ADK: variants seen among roughly 807,000 people sequenced by gnomAD.
The protein encoded by ADK is adenosine kinase, also known as N6,N6-dimethyladenosine kinase.
ADK carries 24 observed loss-of-function variants against 44.7 expected under a neutral mutation model. The observed-to-expected ratio is 0.54, with a 90% CI of 0.39 to 0.76. The LOEUF is 0.76. Among genes scored for constraint, ADK ranks in the 30% least tolerant of loss-of-function variants. The pLI, the probability that ADK is intolerant of heterozygous loss-of-function variation, is 0.00. For synonymous variants in ADK, 128 were observed against 142.6 expected, an observed-to-expected ratio of 0.90 and a Z score of 0.73; for missense variants, 321 against 425.1, an observed-to-expected ratio of 0.76 and a Z score of 2.15.
At chr10:74,328,345 A>G (rs1841089786) in intron 4 of ADK, among the ~76,000 whole-genome samples, 1 of 152,170 alleles carries the variant, frequency 6.6e-6, no homozygotes, top group Non-Finnish European at 1.5e-5. Context: ...TTTACATACT[A>G]TGCTTACAAT....
intron 3 of ADK, among the ~76,000 whole-genome samples, chr10:74,239,717 A>C (rs1191471533): frequency 6.1e-5 from 1 of 16,290 alleles, no homozygotes; most frequent in Non-Finnish European, 1.9e-4. Context: ...CCTTGTCTCA[A>C]AAAAAAAAAA....
At chr10:74,422,144 G>A (rs1844576763) in intron 6 of ADK, among the ~76,000 whole-genome samples, 1 of 152,172 alleles carries the variant, frequency 6.6e-6, no homozygotes, top group South Asian at 2.1e-4. Context: ...AGTGATCAAG[G>A]TTAACATCAC....
chr10:74,398,438 T>A, intron 5 of ADK, 33 bp from the exon 6 acceptor site: 1 of 1,441,414 alleles, frequency 6.9e-7, no homozygotes, highest in Non-Finnish European at 9.7e-7. Flanking sequence ...AGTTTGACTA[T>A]AATATTACTT....
At chr10:74,205,675 C>CAAAAAAAAAAAAAAA (rs11419041) in intron 2 of ADK, among the ~76,000 whole-genome samples, 2 of 85,314 alleles carry the variant, frequency 2.3e-5, no homozygotes, top group Non-Finnish European at 2.2e-5. Flanking sequence ...GAATCTGTCT[C>CAAAAAAAAAAAAAAA]AAAAAAAAAA....
intron 8 of ADK, among the ~76,000 whole-genome samples, chr10:74,594,266 A>G (rs1386811472): frequency 1.3e-5 from 2 of 152,082 alleles, no homozygotes; most frequent in Non-Finnish European, 2.9e-5. Flanking sequence ...GCAAACCACC[A>G]TGGCACGCGT....
intron 4 of ADK, among the ~76,000 whole-genome samples, chr10:74,356,513 A>G (rs1842152546): frequency 6.6e-6 from 1 of 152,140 alleles, no homozygotes; most frequent in African/African-American, 2.4e-5. Flanking sequence ...ATATTATTGG[A>G]TTATTTTATA....
At chr10:74,550,791 TTATTAA>T (rs1188479291) in intron 7 of ADK, among the ~76,000 whole-genome samples, 3 of 152,240 alleles carry the variant, frequency 2.0e-5, no homozygotes, top group African/African-American at 7.2e-5. Flanking sequence ...ATCATTTTAC[TTATTAA>T]TATTCATTTG....
chr10:74,323,792 T>A (rs12354678), intron 4 of ADK, among the ~76,000 whole-genome samples: 1 of 151,710 alleles, frequency 6.6e-6, no homozygotes, highest in Non-Finnish European at 1.5e-5. Context: ...GGATGGTCTC[T>A]ATCTCCTGAC....
chr10:74,238,000 A>G (rs1845037814), intron 3 of ADK, among the ~76,000 whole-genome samples: 1 of 152,128 alleles, frequency 6.6e-6, no homozygotes, highest in African/African-American at 2.4e-5. Flanking sequence ...AGGCTGAGGT[A>G]GGAGAATCGC....
intron 7 of ADK, among the ~76,000 whole-genome samples, chr10:74,557,690 C>T (rs1189729265): frequency 6.6e-6 from 1 of 152,078 alleles, no homozygotes; most frequent in Non-Finnish European, 1.5e-5. Context: ...TGCTTAAGAC[C>T]CAACCTCCCT....
chr10:74,542,682 T>G (rs369533661), intron 7 of ADK, among the ~76,000 whole-genome samples: 7 of 152,076 alleles, frequency 4.6e-5, no homozygotes, highest in African/African-American at 1.7e-4. Flanking sequence ...AATAATCTCA[T>G]TAGTTTCTGG....
At chr10:74,615,839 G>A (rs1317243335) in intron 9 of ADK, among the ~76,000 whole-genome samples, 1 of 152,090 alleles carries the variant, frequency 6.6e-6, no homozygotes, top group African/African-American at 2.4e-5. Flanking sequence ...CTCCCTAGTA[G>A]TTGGGACTAC....
intron 5 of ADK, among the ~76,000 whole-genome samples, chr10:74,397,513 A>G (rs1843560218): frequency 6.6e-6 from 1 of 152,072 alleles, no homozygotes; most frequent in African/African-American, 2.4e-5. Context: ...AAGCCAAGTG[A>G]CACTTGTAGC....
rs553257764 is a variant in ADK at position 74,428,788 on chromosome 10, G to A, written c.555+30209G>A. 2.0e-5 allele frequency among the ~76,000 whole-genome samples: 3 copies of A among 152,324 alleles called. No individual in the cohort carries two copies. In the East Asian group the frequency reaches 5.8e-4, roughly 29 times the overall value. On this transcript the variant is annotated intron_variant, in intron 6 of 10. Coordinates refer to ENST00000539909, the MANE Select transcript of ADK (RefSeq NM_006721.4). The stretch of plus-strand genomic sequence containing the variant: ...TGTTGTATGGGAGAAGAGAAAAACA[G>A]CAACAATGCAGTGGAGAAATCAGAC...
intron 8 of ADK, among the ~76,000 whole-genome samples, chr10:74,590,700 T>C (rs1851687280): frequency 6.6e-6 from 1 of 152,144 alleles, no homozygotes; most frequent in Non-Finnish European, 1.5e-5. Context: ...GATTTCCAAG[T>C]GGTGGGTTTT....
chr10:74,527,753 C>T, intron 7 of ADK: 1 of 1,561,788 alleles, frequency 6.4e-7, no homozygotes, highest in South Asian at 1.1e-5. Context: ...GTTTCCTCCA[C>T]TCCCAGACTT....
intron 6 of ADK, chr10:74,508,439 T>C (rs2133497175): frequency 6.6e-6 from 1 of 152,316 alleles, no homozygotes; most frequent in South Asian, 2.1e-4. Flanking sequence ...ATCAATACAA[T>C]GTAAATATGT....
intron 3 of ADK, among the ~76,000 whole-genome samples, chr10:74,257,992 A>T (rs1809877179): frequency 6.6e-6 from 1 of 152,204 alleles, no homozygotes; most frequent in Non-Finnish European, 1.5e-5. Flanking sequence ...GTATTGAGAG[A>T]ACTGCAGACA....
At chr10:74,532,049 C>A (rs1037465611) in intron 7 of ADK, among the ~76,000 whole-genome samples, 2 of 152,052 alleles carry the variant, frequency 1.3e-5, no homozygotes, top group Non-Finnish European at 2.9e-5. Flanking sequence ...TCAAACCGAA[C>A]AATATATTAA....
Sources: allele counts gnomAD v4.1 joint callset (sites outside exome capture counted in the v4.1 genomes callset), GRCh38; gene constraint gnomAD v4.1.1; transcripts MANE v1.5; gene names NCBI Gene and HGNC (gene_info 2026-07-23, HGNC 2026-07-21).